Variants in CDH26 observed in about 807,000 individuals in gnomAD.
CDH26 encodes cadherin-like protein 26.
Under a neutral mutation model 90.3 loss-of-function variants are expected in CDH26, and 83 were observed. That is an observed-to-expected ratio of 0.92 (90% confidence interval 0.77 to 1.10). The LOEUF is 1.10. Ranked by LOEUF, CDH26 falls within the 50% of genes least tolerant of loss-of-function variation. CDH26 has a pLI of 0.00. For synonymous variants in CDH26, 397 were observed against 396.3 expected, an observed-to-expected ratio of 1.00 and a Z score of -0.02; for missense variants, 1,013 against 1,037.6, an observed-to-expected ratio of 0.98 and a Z score of 0.33.
chr20:60,014,131 AT>A lies in CDH26; in HGVS notation c.*1403del, dbSNP rs1164149600. On this transcript the variant is annotated 3_prime_UTR_variant, in exon 18 of 18. Transcript: ENST00000348616. The stretch of plus-strand genomic sequence containing the variant: ...TCTGTCCCCTGTAGATTTTTAAAAA[AT>A]TATCTCATTTTAAAACTTTATTATT... 3.3e-5 allele frequency: 5 copies of A among 152,168 alleles called. No homozygotes were observed. Among genetic ancestry groups the A allele is most frequent in the African/African-American group, 1.2e-4 (5 of 41,444 alleles). The allele number at this position is 152,168 out of a possible 1,614,324, so 9.4% of individuals were successfully genotyped here.
intron 7 of CDH26, chr20:60,031,093 T>C (rs931691443): frequency 5.9e-5 from 56 of 946,018 alleles, no homozygotes; most frequent in Non-Finnish European, 7.1e-5. Context: ...TTTTAGGCCA[T>C]GTAGGATAAC....
chr20:59,971,809 C>T (rs1318805664), intron 3 of CDH26, among the ~76,000 whole-genome samples, 153 bp from the exon 4 acceptor site: 1 of 152,194 alleles, frequency 6.6e-6, no homozygotes, highest in Non-Finnish European at 1.5e-5. Context: ...ATTGTTCCTG[C>T]ATCTCAGCCC....
intron 1 of CDH26, among the ~76,000 whole-genome samples, chr20:59,966,442 T>A (rs2061150378): frequency 6.6e-6 from 1 of 152,246 alleles, no homozygotes; most frequent in Admixed American, 6.5e-5. Context: ...ACTTCATGAG[T>A]TCTCAAGCGA....
chr20:59,971,218 T>C (rs2061257473), intron 3 of CDH26, among the ~76,000 whole-genome samples: 1 of 151,820 alleles, frequency 6.6e-6, no homozygotes, highest in Non-Finnish European at 1.5e-5. Context: ...ACATAAAGAG[T>C]ACAGAAAGTT....
intron 7 of CDH26, among the ~76,000 whole-genome samples, chr20:60,026,771 A>ACTTCTGACC (rs1235510122): frequency 6.6e-6 from 1 of 152,196 alleles, no homozygotes; most frequent in Non-Finnish European, 1.5e-5. Context: ...CTGTGCCCAC[A>ACTTCTGACC]CTTCTGACCT....
chr20:59,958,447 G>A lies in CDH26; in HGVS notation c.-280G>A. On this transcript the variant is annotated 5_prime_UTR_variant, in exon 1 of 18. Transcript: ENST00000348616. ...CAGCCAGTCTTTTGTGTACGTGCAGGACCATGGTGGCTTTAGTTTCTACCC... is the reference window on the plus strand; with the variant it reads ...CAGCCAGTCTTTTGTGTACGTGCAGAACCATGGTGGCTTTAGTTTCTACCC... 2.4e-6 allele frequency: 1 copy of A among 411,676 alleles called. No individual in the cohort carries two copies. The highest frequency in any genetic ancestry group is 4.4e-6 in the Non-Finnish European group (1 of 226,684). The allele number at this position is 411,676 out of a possible 1,614,324, so 25.5% of individuals were successfully genotyped here. A position where few individuals can be genotyped will look rare whatever the true frequency, so the allele number is the denominator to read the frequency against.
intron 10 of CDH26, among the ~76,000 whole-genome samples, chr20:59,993,790 GATCCTGAGT>G (rs1218565098): frequency 6.6e-6 from 1 of 152,160 alleles, no homozygotes; most frequent in Non-Finnish European, 1.5e-5. Flanking sequence ...TAATCTAGTG[GATCCTGAGT>G]ATCCTTTGCC....
At chr20:59,965,564 C>T (rs1317880924) in intron 1 of CDH26, among the ~76,000 whole-genome samples, 1 of 152,048 alleles carries the variant, frequency 6.6e-6, no homozygotes, top group East Asian at 1.9e-4. Context: ...TTTGAATGTC[C>T]GGCTTTAAAG....
rs2061546105 is a variant in CDH26 at position 59,992,966 on chromosome 20, A to C, written c.1426+446A>C. ...AGCCTGTTTCAGCATTTTTCTCTAC[A>C]CTCTCCTAAGGCTGAAACTTTAAAC... On this transcript the variant is annotated intron_variant, in intron 10 of 17. Transcript: ENST00000348616. This position sits in a 1 kb window ranked among gnomAD's most constrained non-coding sequence, Gnocchi z 5.0. Among the ~76,000 whole-genome samples the C allele has an allele frequency of 6.6e-6, 1 of 152,096 alleles. No homozygotes were observed. The highest frequency in any genetic ancestry group is 2.4e-5 in the African/African-American group (1 of 41,408).
chr20:60,006,865 C>T (rs2061761061), intron 17 of CDH26, 78 bp downstream of exon 17: 3 of 1,046,628 alleles, frequency 2.9e-6, no homozygotes, highest in Admixed American at 1.7e-5. Flanking sequence ...GATTTGGGGA[C>T]ACTTCCTCCT....
chr20:59,966,995 A>AT (rs2145969812), intron 1 of CDH26, among the ~76,000 whole-genome samples: 1 of 147,974 alleles, frequency 6.8e-6, no homozygotes, highest in African/African-American at 2.7e-5. Context: ...GTAAAAAAAA[A>AT]AATAATAATG....
At chr20:60,018,510 T>C (rs2146028882), downstream of CDH26, among the ~76,000 whole-genome samples, 1 of 152,022 alleles carries the variant, frequency 6.6e-6, no homozygotes, top group East Asian at 1.9e-4. Flanking sequence ...GTGATGTGAG[T>C]TTCTTGAAGG....
intron 17 of CDH26, among the ~76,000 whole-genome samples, chr20:60,009,276 C>T (rs1419333850): frequency 6.6e-6 from 1 of 152,162 alleles, no homozygotes; most frequent in East Asian, 1.9e-4. Flanking sequence ...GAAGTCTCCT[C>T]TCTGAGCCTT....
At chr20:59,984,143 T>G (rs938389410) in intron 5 of CDH26, among the ~76,000 whole-genome samples, 5 of 152,342 alleles carry the variant, frequency 3.3e-5, no homozygotes, top group Admixed American at 2.6e-4. Context: ...ACGAAGATGC[T>G]TGGTGTGTTG....
At chr20:60,003,685 T>A (rs1274935814) in intron 16 of CDH26, among the ~76,000 whole-genome samples, 1 of 152,204 alleles carries the variant, frequency 6.6e-6, no homozygotes, top group Non-Finnish European at 1.5e-5. Context: ...TCTGTTATAT[T>A]ATAAAAATAA....
chr20:60,013,567 A>G lies in CDH26; in HGVS notation c.*837A>G, dbSNP rs1014802862. The stretch of plus-strand genomic sequence containing the variant: ...GTCAGTTTTCTAGTCTGAGTAATAG[A>G]TAAGAGACTGACTAAGCAAAGTTTA... On this transcript the variant is annotated 3_prime_UTR_variant, in exon 18 of 18. Transcript: ENST00000348616. 17 of 152,244 alleles carry G rather than the reference A, an allele frequency of 1.1e-4. No individual in the cohort carries two copies. The highest frequency in any genetic ancestry group is 1.0e-3 in the Admixed American group (16 of 15,286). 9.4% of individuals were successfully genotyped at this position (152,244 alleles called of 1,614,324 possible).
intron 7 of CDH26, among the ~76,000 whole-genome samples, chr20:60,027,140 A>G (rs2062004199): frequency 6.6e-6 from 1 of 152,138 alleles, no homozygotes; most frequent in Non-Finnish European, 1.5e-5. Flanking sequence ...TCTTGGGCAG[A>G]GGAGAAGTAG....
chr20:59,960,072 T>C (rs1330955340), intron 1 of CDH26, among the ~76,000 whole-genome samples: 1 of 152,174 alleles, frequency 6.6e-6, no homozygotes, highest in Non-Finnish European at 1.5e-5. Context: ...TGACCTAGGC[T>C]CCTTCACAGC....
At chr20:60,031,894 G>T (rs1253206850) in intron 8 of CDH26, among the ~76,000 whole-genome samples, 1 of 152,208 alleles carries the variant, frequency 6.6e-6, no homozygotes, top group Non-Finnish European at 1.5e-5. Context: ...CCAACAGGCA[G>T]CTGTCTGCTT....
Sources: gnomAD v4.1 joint callset for allele counts (sites outside exome capture counted in the v4.1 genomes callset) on GRCh38, gnomAD v4.1.1 for gene constraint, Gnocchi (gnomAD v3.1) non-coding constraint, MANE v1.5 for transcripts, NCBI Gene and HGNC (gene_info 2026-07-23, HGNC 2026-07-21) for gene names.